The following STAU2 variants were observed in gnomAD, a reference collection of about 807,000 sequenced individuals.
STAU2 encodes the protein staufen double-stranded RNA binding protein 2, also known as double-stranded RNA-binding protein Staufen homolog 2.
In STAU2, 20 loss-of-function variants were observed where a neutral mutation model predicts 65.9. That is an observed-to-expected ratio of 0.30 (90% CI 0.21 to 0.44). The LOEUF (loss-of-function observed/expected upper bound fraction) is 0.44, where lower values mean the gene tolerates loss of function less well. Among genes scored for constraint, STAU2 ranks in the 20% least tolerant of loss-of-function variants. The pLI, the probability that STAU2 is intolerant of heterozygous loss-of-function variation, is 1.00. For synonymous variants in STAU2, 232 were observed against 233.9 expected (o/e 0.99, Z 0.07); for missense variants, 558 against 683.9 (o/e 0.82, Z 2.05).
chr8:73,552,976 G>T (rs1471856098), intron 12 of STAU2, among the ~76,000 whole-genome samples: 1 of 152,208 alleles, frequency 6.6e-6, no homozygotes, highest in East Asian at 1.9e-4. Flanking sequence ...TCATAAGCAA[G>T]TAGTTATCGT....
intron 3 of STAU2, among the ~76,000 whole-genome samples, chr8:73,734,088 T>G (rs1806254654): frequency 6.6e-6 from 1 of 152,072 alleles, no homozygotes; most frequent in African/African-American, 2.4e-5. Flanking sequence ...TAATCCCAGT[T>G]TTTAAAAAGT....
At chr8:73,535,175 T>C (rs886721473) in intron 13 of STAU2, among the ~76,000 whole-genome samples, 6 of 152,138 alleles carry the variant, frequency 3.9e-5, no homozygotes, top group African/African-American at 1.2e-4. Flanking sequence ...ATTTGATCTT[T>C]GCTTTTTTTT....
Position 73,423,531 on chromosome 8 carries a change from G to C in STAU2, c.1531-829C>G, listed in dbSNP as rs144404773. Among the ~76,000 whole-genome samples, 1,124 of 152,308 alleles carry C rather than the reference G, an allele frequency of 7.4e-3. 5 individuals are homozygous for C. The highest frequency in any genetic ancestry group is 0.011 in the Non-Finnish European group (769 of 68,034). ...AAGGGCTCTGCTGAGTCTGAGATGG[G>C]CATGAGCAGGCAGGGCTGTTTTCAT... On this transcript the variant is annotated intron_variant, in intron 13 of 14. Transcript: ENST00000524300.
intron 6 of STAU2, among the ~76,000 whole-genome samples, chr8:73,631,805 C>T (rs1282254260): frequency 6.6e-6 from 1 of 152,072 alleles, no homozygotes. Context: ...AATAAGCTCC[C>T]AGGAAACTCA....
intron 11 of STAU2, among the ~76,000 whole-genome samples, chr8:73,588,615 C>T (rs1178896585): frequency 6.6e-6 from 1 of 152,118 alleles, no homozygotes; most frequent in African/African-American, 2.4e-5. Flanking sequence ...TCCTATATGC[C>T]GTTGGGGCAA....
In STAU2 at chr8:73,688,754, T is replaced by C. The variant is rs1819125696; in HGVS notation, c.174A>G (p.Ile58Met). The change falls in exon 5 of 15, where the codon ATA (isoleucine) becomes ATG (methionine). Residue 58 changes from isoleucine to methionine, a missense_variant. This residue lies in a region of STAU2 where 112 missense variants were observed against 114.2 expected (regional missense o/e 0.98). Coordinates refer to ENST00000524300, the MANE Select transcript of STAU2 (RefSeq NM_001164380.2). ...TGGCAACAGCCTGCTGAGCCTTCTT[T>C]ATACTGCTGCCTTCGGATTCCCATG... ...EQTWESEGSS[I>M]KKAQQAVANK... 2.5e-6 allele frequency: 4 copies of C among 1,614,078 alleles called. No individual in the cohort carries two copies. The highest frequency in any genetic ancestry group is 3.4e-6 in the Non-Finnish European group (4 of 1,180,052).
At chr8:73,744,652 T>G (rs1264390190) in intron 1 of STAU2, among the ~76,000 whole-genome samples, 1 of 152,228 alleles carries the variant, frequency 6.6e-6, no homozygotes, top group African/African-American at 2.4e-5. Flanking sequence ...TTCCTAGCAC[T>G]TCATTCCAGA....
intron 6 of STAU2, chr8:73,672,555 G>A (rs970174966): frequency 6.6e-6 from 1 of 151,800 alleles, no homozygotes; most frequent in South Asian, 2.1e-4. Flanking sequence ...CCTTCATAAA[G>A]TACTACAAAA....
chr8:73,743,037 A>T (rs555912576), intron 1 of STAU2, among the ~76,000 whole-genome samples: 1 of 152,314 alleles, frequency 6.6e-6, no homozygotes, highest in East Asian at 1.9e-4. Flanking sequence ...ACAAACTGCT[A>T]CAAAACTATC....
At chr8:73,669,195 A>G in intron 6 of STAU2, 1 of 667,700 alleles carries the variant, frequency 1.5e-6, no homozygotes, top group Non-Finnish European at 2.7e-6. Context: ...GAGCAGAAAG[A>G]GCTTTTCAGT....
intron 12 of STAU2, chr8:73,561,626 A>G (rs189568326): frequency 2.3e-6 from 1 of 440,452 alleles, no homozygotes; most frequent in East Asian, 7.0e-5. Flanking sequence ...AGAAACACAT[A>G]CTGAAATGTC....
intron 13 of STAU2, among the ~76,000 whole-genome samples, chr8:73,430,335 CAG>C (rs1817168992): frequency 6.6e-6 from 1 of 152,174 alleles, no homozygotes; most frequent in Non-Finnish European, 1.5e-5. Context: ...TTCAGGAAAA[CAG>C]AGTGGGCAGG....
In STAU2 at chr8:73,654,920, C is replaced by T. The variant is rs866079711; in HGVS notation, c.410+18187G>A. ...CAGGATGGTCTCGATCTCCTGACCT[C>T]GTGATCTGCCCGTCTCGGCCTCCCA... On this transcript the variant is annotated intron_variant, in intron 6 of 14. Transcript: ENST00000524300. Among the ~76,000 whole-genome samples the T allele has an allele frequency of 2.3e-4, 35 of 152,132 alleles. 1 individual carries two copies. The highest frequency in any genetic ancestry group is 6.8e-3 in the Middle Eastern group (2 of 294).
At chr8:73,649,646 C>A (rs778186380) in intron 6 of STAU2, among the ~76,000 whole-genome samples, 3 of 151,816 alleles carry the variant, frequency 2.0e-5, no homozygotes, top group Non-Finnish European at 2.9e-5. Context: ...TAATACTGCT[C>A]ACTAAGCTTC....
intron 9 of STAU2, among the ~76,000 whole-genome samples, chr8:73,611,340 AG>A (rs1458667733): frequency 2.0e-5 from 3 of 152,310 alleles, no homozygotes; most frequent in East Asian, 3.9e-4. Context: ...AGTAACTCCA[AG>A]TGTGATGTAT....
chr8:73,603,824 G>C lies in STAU2; in HGVS notation c.931C>G (p.Arg311Gly). 6.2e-7 allele frequency: 1 copy of C among 1,611,870 alleles called. No individual in the cohort carries two copies. Among genetic ancestry groups the C allele is most frequent in the Non-Finnish European group, 8.5e-7 (1 of 1,179,750 alleles). Reference protein sequence around the residue: ...EYGQGMNPISRLAQIQQAKKE... With the variant: ...EYGQGMNPISGLAQIQQAKKE... The stretch of plus-strand genomic sequence containing the variant: ...TTGGCCTGTTGAATTTGCGCCAGGC[G>C]GCTAATAGGGTTCATCCCTTGGCCA... The change falls in exon 10 of 15, where the codon CGC (arginine) becomes GGC (glycine). Residue 311 changes from arginine (R) to glycine (G), a missense_variant. By Grantham distance (125) the Arg-to-Gly change is moderately radical (BLOSUM62 -2). Coordinates refer to ENST00000524300, the MANE Select transcript of STAU2 (RefSeq NM_001164380.2).
intron 13 of STAU2, chr8:73,440,066 T>G (rs1378531477): frequency 6.6e-6 from 1 of 152,246 alleles, no homozygotes; most frequent in Non-Finnish European, 1.5e-5. Context: ...TTTCTTAATA[T>G]GGGAAGACCA....
At chr8:73,566,806 T>C (rs761083252) in intron 12 of STAU2, among the ~76,000 whole-genome samples, 10 of 152,216 alleles carry the variant, frequency 6.6e-5, no homozygotes, top group Non-Finnish European at 1.3e-4. Flanking sequence ...TTCTTCTATG[T>C]ATACCATGCT....
chr8:73,633,830 A>C (rs2130053592), intron 6 of STAU2, among the ~76,000 whole-genome samples: 1 of 152,040 alleles, frequency 6.6e-6, no homozygotes, highest in Non-Finnish European at 1.5e-5. Flanking sequence ...AAAATACAAA[A>C]ATTAGCCAGG....
Sources: allele counts gnomAD v4.1 joint callset (sites outside exome capture counted in the v4.1 genomes callset), GRCh38; gene constraint gnomAD v4.1.1; regional missense constraint gnomAD v4.1.1; transcripts MANE v1.5; gene names NCBI Gene and HGNC (gene_info 2026-07-23, HGNC 2026-07-21).